The following BANP variants were observed in gnomAD, a reference collection of about 807,000 sequenced individuals.
BANP encodes BTG3 associated nuclear protein.
Under a neutral mutation model 68.1 loss-of-function variants are expected in BANP, and 11 were observed. The observed-to-expected ratio is 0.16, with a 90% CI of 0.10 to 0.27. BANP has a LOEUF of 0.27. Ranked by LOEUF, BANP falls within the 10% of genes least tolerant of loss-of-function variation. The pLI is 1.00. For missense variants in BANP, 504 were observed against 722.7 expected (o/e 0.70, Z 3.47); for synonymous variants, 329 against 303.2 (o/e 1.09, Z -0.88).
chr16:88,070,843 G>A (rs1046534657), intron 12 of BANP, among the ~76,000 whole-genome samples: 23 of 152,334 alleles, frequency 1.5e-4, no homozygotes, highest in Non-Finnish European at 2.2e-4. Context: ...TGCTCTGGGC[G>A]CCGTACTTTG....
intron 11 of BANP, among the ~76,000 whole-genome samples, chr16:88,054,434 C>G (rs1598926928): frequency 1.3e-5 from 2 of 152,256 alleles, no homozygotes; most frequent in African/African-American, 4.8e-5. Context: ...ACTACCACCA[C>G]CACCTCCACC....
chr16:88,066,239 A>G (rs2088557529), intron 12 of BANP, among the ~76,000 whole-genome samples: 1 of 152,222 alleles, frequency 6.6e-6, no homozygotes. Context: ...GATGAGGTTC[A>G]CCAACGTGGA....
At chr16:88,047,135 C>T (rs1170603740) in intron 11 of BANP, among the ~76,000 whole-genome samples, 2 of 152,110 alleles carry the variant, frequency 1.3e-5, no homozygotes, top group African/African-American at 2.4e-5. Context: ...TGAACTCGTG[C>T]GGTCCTGGGT....
At chr16:88,006,725 G>T (rs1189570094) in intron 6 of BANP, among the ~76,000 whole-genome samples, 1 of 151,706 alleles carries the variant, frequency 6.6e-6, no homozygotes, top group East Asian at 1.9e-4. Context: ...AGGCTGAGGC[G>T]GGTGGATCAT....
At chr16:88,056,013 C>G (rs189409858) in intron 11 of BANP, among the ~76,000 whole-genome samples, 26 of 152,320 alleles carry the variant, frequency 1.7e-4, no homozygotes, top group African/African-American at 5.8e-4. Flanking sequence ...GCCCGCATGC[C>G]TCCTGCTGCC....
In BANP at chr16:87,992,177, T is replaced by A. The variant is rs539907272; in HGVS notation, c.362+7918T>A. The stretch of plus-strand genomic sequence containing the variant: ...AGTGAATTACGTCGATTTCGAATGC[T>A]AACCGAACCTTGCATTTCTCTTATC... On this transcript the variant is annotated intron_variant, in intron 4 of 13. Transcript: ENST00000682872. Among the ~76,000 whole-genome samples, 17 of 152,374 alleles carry A rather than the reference T, an allele frequency of 1.1e-4. No homozygotes were observed. The South Asian group carries it at 3.1e-3, about 28-fold the overall frequency.
chr16:87,975,469 C>T (rs982512178), intron 2 of BANP, among the ~76,000 whole-genome samples: 1 of 152,314 alleles, frequency 6.6e-6, no homozygotes, highest in South Asian at 2.1e-4. Flanking sequence ...CACTCTCTCC[C>T]CTGCCGCGTC....
At chr16:88,052,660 A>G (rs2152830655) in intron 11 of BANP, among the ~76,000 whole-genome samples, 1 of 151,876 alleles carries the variant, frequency 6.6e-6, no homozygotes. Flanking sequence ...CATCATCACA[A>G]CCACCCTAAC....
intron 11 of BANP, among the ~76,000 whole-genome samples, chr16:88,050,039 G>A (rs558639312): frequency 6.6e-6 from 1 of 152,338 alleles, no homozygotes; most frequent in African/African-American, 2.4e-5. Flanking sequence ...CGGCTGGTGA[G>A]CTTCTCAGTC....
intron 1 of BANP, among the ~76,000 whole-genome samples, chr16:87,962,115 C>A (rs962273062): frequency 6.6e-6 from 1 of 151,882 alleles, no homozygotes; most frequent in African/African-American, 2.4e-5. Flanking sequence ...TGGCGTGCGC[C>A]TGTAATCCCA....
At position 88,018,526 on chromosome 16, in the gene BANP, A is replaced by T. The variant is rs2152664932; in HGVS notation, c.754A>T (p.Asn252Tyr). ...CTCCGACATGCTGCACATCAGCACC[A>T]ACTGCCGCACGGCCGAGAAGATGGC... Reference protein sequence around the residue: ...IPSDMLHISTNCRTAEKMALT... With the variant: ...IPSDMLHISTYCRTAEKMALT... Residue 252 changes from asparagine (N) to tyrosine (Y), a missense_variant, in exon 7 of 14, where the codon AAC becomes TAC. Physicochemically the swap from Asn to Tyr is moderately radical, Grantham distance 143. This residue lies in a region of BANP where 43 missense variants were observed against 197.7 expected (regional missense o/e 0.22). Transcript: ENST00000682872. The surrounding 1 kb of genome is among the most constrained non-coding windows in gnomAD (Gnocchi z 7.7). 6.2e-7 allele frequency: 1 copy of T among 1,613,522 alleles called. No homozygotes were observed. The highest frequency in any genetic ancestry group is 8.5e-7 in the Non-Finnish European group (1 of 1,179,994).
intron 11 of BANP, among the ~76,000 whole-genome samples, chr16:88,053,278 G>A (rs62046890): frequency 0.81 from 118,156 of 146,588 alleles, 47,013 homozygotes; most frequent in African/African-American, 0.86. Context: ...TATCATCACC[G>A]TCACCAACAC....
At chr16:87,986,806 A>G (rs2064550960) in intron 4 of BANP, among the ~76,000 whole-genome samples, 1 of 152,190 alleles carries the variant, frequency 6.6e-6, no homozygotes, top group Non-Finnish European at 1.5e-5. Context: ...GTTGCCTAAT[A>G]CTGACTCAGA....
At chr16:88,015,618 C>A (rs555342517) in intron 6 of BANP, among the ~76,000 whole-genome samples, 2 of 152,364 alleles carry the variant, frequency 1.3e-5, no homozygotes, top group South Asian at 4.1e-4. Flanking sequence ...CACCCGTTCT[C>A]GTCTGAGGTC....
At chr16:88,001,723 C>A (rs150521103) in intron 4 of BANP, among the ~76,000 whole-genome samples, 1 of 151,958 alleles carries the variant, frequency 6.6e-6, no homozygotes, top group African/African-American at 2.4e-5. Context: ...GGATTTTGAA[C>A]GTCTCACCAA....
chr16:87,982,541 A>T (rs1216227118), intron 3 of BANP: 1 of 152,240 alleles, frequency 6.6e-6, no homozygotes, highest in African/African-American at 2.4e-5. Flanking sequence ...CATGCCAGGG[A>T]CCGTGCCTCC....
At chr16:88,040,581 A>G (rs990795082) in intron 11 of BANP, among the ~76,000 whole-genome samples, 32 of 151,678 alleles carry the variant, frequency 2.1e-4, no homozygotes, top group Non-Finnish European at 4.4e-4. Flanking sequence ...CACACGGCCC[A>G]TTCCCTCTCC....
intron 3 of BANP, among the ~76,000 whole-genome samples, chr16:87,983,243 A>C (rs905675189): frequency 1.8e-4 from 27 of 151,922 alleles, no homozygotes; most frequent in Non-Finnish European, 3.2e-4. Context: ...CGCTCCCCCA[A>C]CCTGTCCCTC....
rs1388182177 is a variant in BANP at position 88,071,081 on chromosome 16, C to T, written c.1378-988C>T. 1 of 263,244 alleles carries T rather than the reference C, an allele frequency of 3.8e-6. No homozygotes were observed. The highest frequency in any genetic ancestry group is 7.5e-6 in the Non-Finnish European group (1 of 133,922). The allele number at this position is 263,244 out of a possible 1,614,324, so 16.3% of individuals were successfully genotyped here. On this transcript the variant is annotated intron_variant, in intron 12 of 13. Transcript: ENST00000682872. This position sits in a 1 kb window ranked among gnomAD's most constrained non-coding sequence, Gnocchi z 6.5. ...AGTGCTGCTGTTGTCCAGGGCAGGT[C>T]CCACGGAGGGGATGCTGCGGCCAGG...
Sources: gnomAD v4.1 joint callset for allele counts (sites outside exome capture counted in the v4.1 genomes callset) on GRCh38, gnomAD v4.1.1 for gene constraint, gnomAD v4.1.1 regional missense constraint, Gnocchi (gnomAD v3.1) non-coding constraint, MANE v1.5 for transcripts, NCBI Gene and HGNC (gene_info 2026-07-23, HGNC 2026-07-21) for gene names.